Variants in RBM26 observed in about 807,000 individuals in gnomAD.
RBM26 encodes the protein RNA binding motif protein 26.
A neutral mutation model predicts 123.6 loss-of-function variants in RBM26; 30 were observed. The ratio of observed to expected loss-of-function variants is 0.24; its 90% CI spans 0.18 to 0.33. The LOEUF is 0.33. Ranked by LOEUF, RBM26 falls within the 10% of genes least tolerant of loss-of-function variation. The pLI is 1.00. For synonymous variants in RBM26, 400 were observed against 404.4 expected, an observed-to-expected ratio of 0.99 and a Z score of 0.13; for missense variants, 947 against 1,203.6, an observed-to-expected ratio of 0.79 and a Z score of 3.15.
Position 79,406,028 on chromosome 13 carries a change from G to A in RBM26, c.-254C>T, listed in dbSNP as rs2079500384. 3.4e-6 allele frequency: 1 copy of A among 292,958 alleles called. No individual in the cohort carries two copies. The highest frequency in any genetic ancestry group is 5.8e-5 in the East Asian group (1 of 17,104). The allele number at this position is 292,958 out of a possible 1,614,324, so 18.1% of individuals were successfully genotyped here. On this transcript the variant is annotated 5_prime_UTR_variant, in exon 1 of 22. Transcript: ENST00000438737. Reference sequence around the variant, plus strand: ...GCTGAAACAGCAACGGTTTGCCCGGGCCCTCCCCCTTCCCTCTTCCCCAGC... The same window carrying A: ...GCTGAAACAGCAACGGTTTGCCCGGACCCTCCCCCTTCCCTCTTCCCCAGC...
At chr13:79,359,061 GATTT>G (rs2074356298) in intron 10 of RBM26, among the ~76,000 whole-genome samples, 1 of 152,230 alleles carries the variant, frequency 6.6e-6, no homozygotes, top group African/African-American at 2.4e-5. Context: ...TCTCTTCACA[GATTT>G]ATTTATAAAT....
exon 5 of RBM26, chr13:79,313,260 A>C (rs2066949056): frequency 1.3e-5 from 2 of 151,888 alleles, no homozygotes; most frequent in Non-Finnish European, 2.9e-5. Context: ...AACTGACTAG[A>C]TCTCAAAGCA....
chr13:79,360,754 TA>T, intron 9 of RBM26, among the ~76,000 whole-genome samples: 1 of 152,154 alleles, frequency 6.6e-6, no homozygotes, highest in East Asian at 1.9e-4. Flanking sequence ...AAAAGAGCTG[TA>T]AAAGTCTGTT....
intron 1 of RBM26, among the ~76,000 whole-genome samples, chr13:79,384,648 A>G (rs1010829066): frequency 6.6e-6 from 1 of 152,220 alleles, no homozygotes; most frequent in South Asian, 2.1e-4. Flanking sequence ...TAAGAAGGTC[A>G]TTCTCTTCCA....
At position 79,319,268 on chromosome 13, in the gene RBM26, A is replaced by AT. The variant is rs2067425613; in HGVS notation, c.*1352dup. On this transcript the variant is annotated 3_prime_UTR_variant, in exon 22 of 22. Coordinates refer to ENST00000438737, the MANE Select transcript of RBM26 (RefSeq NM_001366735.2). ...GGAAGAAAGTAATTTTTTAAATGTGATTTTTTAATATTATCACTATAATCT... is the reference window on the plus strand; with the variant it reads ...GGAAGAAAGTAATTTTTTAAATGTGATTTTTTTAATATTATCACTATAATCT... 1 of 983,684 alleles carries AT rather than the reference A, an allele frequency of 1.0e-6. No individual in the cohort carries two copies. The highest frequency in any genetic ancestry group is 1.2e-6 in the Non-Finnish European group (1 of 828,556). The allele number at this position is 983,684 out of a possible 1,614,324, so 60.9% of individuals were successfully genotyped here. A position where few individuals can be genotyped will look rare whatever the true frequency, so the allele number is the denominator to read the frequency against.
chr13:79,312,253 T>C (rs1209239641), exon 5 of RBM26: 1 of 152,062 alleles, frequency 6.6e-6, no homozygotes, highest in Admixed American at 6.6e-5. Context: ...AAACCACTTA[T>C]TAGAAGAAAT....
intron 9 of RBM26, among the ~76,000 whole-genome samples, chr13:79,362,115 T>C (rs560804080): frequency 1.3e-5 from 2 of 152,248 alleles, no homozygotes; most frequent in Admixed American, 6.5e-5. Context: ...CCATATCCTA[T>C]TTCCCACTGG....
chr13:79,392,481 C>T (rs2078177643), intron 1 of RBM26, among the ~76,000 whole-genome samples: 1 of 145,510 alleles, frequency 6.9e-6, no homozygotes, highest in Non-Finnish European at 1.5e-5. Context: ...GTAATGGTTA[C>T]ATCATAAATC....
Position 79,371,894 on chromosome 13 carries a change from T to G in RBM26, c.364A>C (p.Arg122=). 6.2e-7 allele frequency: 1 copy of G among 1,612,526 alleles called. No individual in the cohort carries two copies. Among genetic ancestry groups the G allele is most frequent in the Non-Finnish European group, 8.5e-7 (1 of 1,179,072 alleles). ...TGGGGAGGACTGTGATTTAGCCTTC[T>G]AGAAAACTTCTTCTCTCGCTCTTCC... ...KEEEREKKFS[R]RLNHSPPQSS... is the part of the protein sequence containing the mutation. The change falls in exon 4 of 22, where the codon AGA becomes CGA. Residue 122 remains arginine (R), a synonymous_variant. Transcript: ENST00000438737.
In RBM26 at chr13:79,405,718, C is replaced by T; in HGVS notation, c.57G>A (p.Lys19=). 6.3e-7 allele frequency: 1 copy of T among 1,598,554 alleles called. No homozygotes were observed. Among genetic ancestry groups the T allele is most frequent in the Non-Finnish European group, 8.5e-7 (1 of 1,171,576 alleles). Residue 19 remains lysine, a synonymous_variant, in exon 1 of 22, where the codon AAG becomes AAA. Coordinates refer to ENST00000438737, the MANE Select transcript of RBM26 (RefSeq NM_001366735.2). ...NFEALKSWLS[K]TLEPICDADP... ...CGGATACTCACATGGGCTCGAGAGT[C>T]TTGCTGAGCCAGGACTTGAGTGCCT...
At chr13:79,366,001 T>C in intron 8 of RBM26, 54 bp downstream of exon 8, 1 of 1,513,852 alleles carries the variant, frequency 6.6e-7, no homozygotes, top group Non-Finnish European at 9.0e-7. Context: ...CATTTTAAAA[T>C]TCTTCATCTA....
rs537624854 is a variant in RBM26 at position 79,319,915 on chromosome 13, C to CT, written c.*705dup. On this transcript the variant is annotated 3_prime_UTR_variant, in exon 22 of 22. Coordinates refer to ENST00000438737, the MANE Select transcript of RBM26 (RefSeq NM_001366735.2). ...ATTTTTTTCTTTTCTTTTTTCTTTT[C>CT]TTTTTTTTTTTAAATCAAGGAACAT... 12,951 of 436,010 alleles carry CT rather than the reference C, an allele frequency of 0.03. No individual in the cohort carries two copies. The highest frequency in any genetic ancestry group is 0.036 in the Middle Eastern group (32 of 886). 27.0% of individuals were successfully genotyped at this position (436,010 alleles called of 1,614,324 possible).
exon 5 of RBM26, chr13:79,313,734 T>C (rs1456499900): frequency 6.6e-6 from 1 of 151,768 alleles, no homozygotes; most frequent in Non-Finnish European, 1.5e-5. Flanking sequence ...GAATTAACCA[T>C]GCTGTATCCA....
At chr13:79,404,160 GTATT>G (rs1360566311) in intron 1 of RBM26, among the ~76,000 whole-genome samples, 1 of 152,076 alleles carries the variant, frequency 6.6e-6, no homozygotes, top group Non-Finnish European at 1.5e-5. Flanking sequence ...CATACTTACT[GTATT>G]TATTATTATC....
At chr13:79,329,635 T>C (rs912137855) in intron 20 of RBM26, among the ~76,000 whole-genome samples, 17 of 152,184 alleles carry the variant, frequency 1.1e-4, no homozygotes, top group African/African-American at 4.1e-4. Flanking sequence ...ATGGAATAAC[T>C]TCAACATTAA....
intron 3 of RBM26, among the ~76,000 whole-genome samples, chr13:79,375,120 TTTA>T (rs1361250433): frequency 7.0e-6 from 1 of 143,656 alleles, no homozygotes; most frequent in Admixed American, 7.1e-5. Flanking sequence ...TAAATATATA[TTTA>T]TATTTTAAAA....
chr13:79,377,857 G>A (rs1352176400), intron 2 of RBM26, among the ~76,000 whole-genome samples: 2 of 152,016 alleles, frequency 1.3e-5, no homozygotes, highest in South Asian at 2.1e-4. Flanking sequence ...GCAGTGAGCC[G>A]AGATCGCGCC....
In RBM26 at chr13:79,342,677, T is replaced by C; in HGVS notation, c.2414A>G (p.Lys805Arg). The C allele has an allele frequency of 6.2e-7, 1 of 1,606,606 alleles. No homozygotes were observed. The highest frequency in any genetic ancestry group is 1.1e-5 in the South Asian group (1 of 89,612). ...SPGRCLPKSI[K>R]TKTQMQKELL... ...GAAATTAAATACCTGAGTCTTGGTT[T>C]TTATACTTTTTGGAAGACAGCGTCC... The change falls in exon 17 of 22, where the codon AAA becomes AGA. Residue 805 changes from lysine to arginine, a missense_variant. By Grantham distance (26) the Lys-to-Arg change is conservative. Transcript: ENST00000438737.
intron 1 of RBM26, among the ~76,000 whole-genome samples, chr13:79,397,962 G>A (rs2078739912): frequency 6.6e-6 from 1 of 152,066 alleles, no homozygotes; most frequent in African/African-American, 2.4e-5. Flanking sequence ...AATATCTCAA[G>A]AAGAATCACT....
Sources: gnomAD v4.1 joint callset for allele counts (sites outside exome capture counted in the v4.1 genomes callset) on GRCh38, gnomAD v4.1.1 for gene constraint, MANE v1.5 for transcripts, NCBI Gene and HGNC (gene_info 2026-07-23, HGNC 2026-07-21) for gene names.